RAB5A: variants seen among roughly 807,000 people sequenced by gnomAD.
RAB5A encodes the protein ras-related protein Rab-5A.
Under a neutral mutation model 25.7 loss-of-function variants are expected in RAB5A, and 8 were observed. The ratio of observed to expected loss-of-function variants is 0.31; its 90% CI spans 0.18 to 0.56. The LOEUF (loss-of-function observed/expected upper bound fraction) is 0.56, where lower values mean the gene tolerates loss of function less well. Ranked by LOEUF, RAB5A falls within the 20% of genes least tolerant of loss-of-function variation. The pLI, the probability that RAB5A is intolerant of heterozygous loss-of-function variation, is 0.91. For synonymous variants in RAB5A, 98 were observed against 89.8 expected (o/e 1.09, Z -0.52); for missense variants, 192 against 259.7 (o/e 0.74, Z 1.79).
Position 19,983,868 on chromosome 3 carries a change from G to A in RAB5A, c.*45G>A. 1 of 1,313,106 alleles carries A rather than the reference G, an allele frequency of 7.6e-7. No individual in the cohort carries two copies. Among genetic ancestry groups the A allele is most frequent in the Non-Finnish European group, 1.1e-6 (1 of 924,384 alleles). The allele number at this position is 1,313,106 out of a possible 1,614,324, so 81.3% of individuals were successfully genotyped here. The stretch of plus-strand genomic sequence containing the variant: ...TGGAATAGTCTTCTGCTTCCTAAAT[G>A]TTAATAACAATGGAATTGGAGCATT... On this transcript the variant is annotated 3_prime_UTR_variant, in exon 6 of 6. Transcript: ENST00000273047.
intron 2 of RAB5A, among the ~76,000 whole-genome samples, chr3:19,963,335 T>A (rs1429153286): frequency 7.1e-6 from 1 of 140,784 alleles, no homozygotes; most frequent in Non-Finnish European, 1.5e-5. Flanking sequence ...TTTTAGGTAA[T>A]CACCTAATAG....
intron 5 of RAB5A, among the ~76,000 whole-genome samples, chr3:19,981,166 C>A (rs1397842886): frequency 6.6e-6 from 1 of 152,096 alleles, no homozygotes; most frequent in Non-Finnish European, 1.5e-5. Flanking sequence ...CATCAAGGAT[C>A]TTATGTATTA....
At chr3:19,973,447 T>G (rs1175687177) in intron 2 of RAB5A, among the ~76,000 whole-genome samples, 1 of 152,184 alleles carries the variant, frequency 6.6e-6, no homozygotes, top group African/African-American at 2.4e-5. Context: ...TGTGACTTAT[T>G]TTCCTCTTTT....
intron 5 of RAB5A, among the ~76,000 whole-genome samples, chr3:19,979,121 T>G (rs376474509): frequency 2.0e-5 from 3 of 151,580 alleles, no homozygotes; most frequent in East Asian, 1.9e-4. Context: ...GGATTACAGG[T>G]GCACACCACC....
At chr3:19,963,442 T>G (rs928775997) in intron 2 of RAB5A, among the ~76,000 whole-genome samples, 8 of 140,236 alleles carry the variant, frequency 5.7e-5, no homozygotes, top group African/African-American at 1.3e-4. Flanking sequence ...TTTATCCTAA[T>G]AAAATTGTTT....
At chr3:19,981,278 A>T (rs993513208) in intron 5 of RAB5A, among the ~76,000 whole-genome samples, 10 of 152,216 alleles carry the variant, frequency 6.6e-5, no homozygotes, top group African/African-American at 2.2e-4. Context: ...TTAACTTACT[A>T]CGGGATTACA....
intron 2 of RAB5A, among the ~76,000 whole-genome samples, chr3:19,961,475 G>T (rs370876567): frequency 3.3e-5 from 5 of 152,182 alleles, no homozygotes; most frequent in African/African-American, 1.2e-4. Flanking sequence ...TGACAGGTAG[G>T]GGCCTTCTTG....
At chr3:19,977,569 A>G (rs1362975266) in intron 4 of RAB5A, among the ~76,000 whole-genome samples, 6 of 152,200 alleles carry the variant, frequency 3.9e-5, no homozygotes. Context: ...AATTCTTAGG[A>G]CAACGATGTG....
chr3:19,952,574 G>A (rs1696439270), intron 2 of RAB5A, among the ~76,000 whole-genome samples: 1 of 152,186 alleles, frequency 6.6e-6, no homozygotes, highest in Non-Finnish European at 1.5e-5. Context: ...AGTAAGATAA[G>A]TTACAGAAGT....
At chr3:19,980,223 T>C (rs1348065854) in intron 5 of RAB5A, 1 of 152,216 alleles carries the variant, frequency 6.6e-6, no homozygotes, top group Non-Finnish European at 1.5e-5. Context: ...CAAATCAGCC[T>C]GCACTGTAAA....
chr3:19,969,573 G>C (rs1696714057), intron 2 of RAB5A, among the ~76,000 whole-genome samples: 1 of 152,114 alleles, frequency 6.6e-6, no homozygotes, highest in Non-Finnish European at 1.5e-5. Flanking sequence ...TTGCCCCTTT[G>C]TTATGGATGT....
chr3:19,976,284 A>G (rs1025526685), intron 4 of RAB5A, 115 bp downstream of exon 4: 2 of 1,192,124 alleles, frequency 1.7e-6, no homozygotes, highest in African/African-American at 3.1e-5. Flanking sequence ...GAAAATACTG[A>G]TTTTTAAAAC....
intron 1 of RAB5A, among the ~76,000 whole-genome samples, chr3:19,949,509 C>T (rs1415319911): frequency 1.3e-5 from 2 of 152,002 alleles, no homozygotes; most frequent in Non-Finnish European, 2.9e-5. Flanking sequence ...GTGTGAAAGA[C>T]GTATTTCTTA....
intron 1 of RAB5A, among the ~76,000 whole-genome samples, chr3:19,948,132 C>T (rs1423057399): frequency 6.6e-6 from 1 of 152,144 alleles, no homozygotes; most frequent in Non-Finnish European, 1.5e-5. Flanking sequence ...TTCAAGATAA[C>T]AGGACCGCTG....
intron 2 of RAB5A, among the ~76,000 whole-genome samples, chr3:19,965,706 T>C (rs1465785633): frequency 6.6e-6 from 1 of 152,194 alleles, no homozygotes; most frequent in Admixed American, 6.5e-5. Flanking sequence ...TACCTTTAGA[T>C]GTTGCTCATA....
intron 1 of RAB5A, among the ~76,000 whole-genome samples, chr3:19,949,015 ATTG>A (rs1395071870): frequency 6.6e-6 from 1 of 152,158 alleles, no homozygotes; most frequent in East Asian, 1.9e-4. Flanking sequence ...GTTTACATGT[ATTG>A]TTTTATTTAA....
chr3:19,963,366 C>T (rs1464902647), intron 2 of RAB5A, among the ~76,000 whole-genome samples: 6 of 12,098 alleles, frequency 5.0e-4, no homozygotes, highest in Non-Finnish European at 8.5e-4. Flanking sequence ...AGAATTTCAC[C>T]CCCCCCCCCC....
chr3:19,971,197 C>CA (rs757289443), intron 2 of RAB5A, among the ~76,000 whole-genome samples: 14,791 of 74,456 alleles, frequency 0.2, 1,285 homozygotes, highest in South Asian at 0.26. Context: ...AACTCCATCT[C>CA]AAAAAAAAAA....
At chr3:19,983,345 C>CAAAA (rs34872300) in intron 5 of RAB5A, among the ~76,000 whole-genome samples, 22 of 92,050 alleles carry the variant, frequency 2.4e-4, no homozygotes, top group South Asian at 2.1e-3. Context: ...GACTACATCT[C>CAAAA]AAAAAAAAAA....
Sources: allele counts gnomAD v4.1 joint callset (sites outside exome capture counted in the v4.1 genomes callset), GRCh38; gene constraint gnomAD v4.1.1; transcripts MANE v1.5; gene names NCBI Gene and HGNC (gene_info 2026-07-23, HGNC 2026-07-21).